Variants in WDR5 observed in about 807,000 individuals in gnomAD.
WDR5 encodes WD repeat domain 5.
For synonymous variants in WDR5, 144 were observed against 161.6 expected (o/e 0.89, Z 0.83); for missense variants, 187 against 416.9 (o/e 0.45, Z 4.80).
chr9:134,143,126 T>A (rs1331427822), intron 7 of WDR5, among the ~76,000 whole-genome samples: 1 of 6,778 alleles, frequency 1.5e-4, no homozygotes, highest in Admixed American at 2.4e-3. Context: ...TTAGCTTTGA[T>A]GGGCGGGCTG....
chr9:134,142,759 A>G (rs1363755160), intron 7 of WDR5, 40 bp downstream of exon 7: 3 of 1,600,806 alleles, frequency 1.9e-6, no homozygotes, highest in Admixed American at 1.7e-5. Context: ...GTCCAGCACT[A>G]CGTTTCTCTG....
At position 134,156,501 on chromosome 9, in the gene WDR5, C is replaced by T. The variant is rs370659378; in HGVS notation, c.817-5C>T. 6.1e-5 allele frequency: 99 copies of T among 1,613,868 alleles called. No homozygotes were observed. The highest frequency in any genetic ancestry group is 2.3e-4 in the African/African-American group (17 of 74,932). On this transcript the variant is annotated splice_polypyrimidine_tract_variant and splice_region_variant and intron_variant, in intron 12 of 13. Transcript: ENST00000358625. ...GCCCTGTTTTCCCTGCTTGTTGTTA[C>T]GTAGTGGATTGTGTCTGGCTCAGAG...
chr9:134,142,129 C>T (rs1831923212), intron 5 of WDR5, 91 bp downstream of exon 5: 5 of 1,206,556 alleles, frequency 4.1e-6, no homozygotes, highest in Non-Finnish European at 4.8e-6. Context: ...CAGTAAGCAA[C>T]ACTCAGCGCT....
chr9:134,150,961 A>C (rs1832457740), intron 8 of WDR5, among the ~76,000 whole-genome samples: 1 of 152,202 alleles, frequency 6.6e-6, no homozygotes, highest in Admixed American at 6.5e-5. Flanking sequence ...GGCTAGTGAG[A>C]AGGAGCAGGA....
chr9:134,150,001 T>C (rs764994256), intron 8 of WDR5, among the ~76,000 whole-genome samples: 6 of 152,202 alleles, frequency 3.9e-5, no homozygotes, highest in Non-Finnish European at 7.3e-5. Context: ...CCTGTGACTT[T>C]GTATCTGAAT....
chr9:134,156,742 GCT>G (rs1832762394), intron 13 of WDR5, 149 bp downstream of exon 13: 2 of 735,462 alleles, frequency 2.7e-6, no homozygotes, highest in Admixed American at 2.5e-5. Flanking sequence ...GCTGCTAAGA[GCT>G]CTTGCCCAAG....
chr9:134,147,526 C>G (rs117530311), intron 7 of WDR5, among the ~76,000 whole-genome samples: 2 of 152,152 alleles, frequency 1.3e-5, no homozygotes, highest in African/African-American at 2.4e-5. Flanking sequence ...CTGTCCCCCC[C>G]GGAAGAGTCT....
intron 5 of WDR5, 119 bp downstream of exon 5, chr9:134,142,157 G>C: frequency 1.0e-6 from 1 of 1,001,658 alleles, no homozygotes. Context: ...AGGGAAGACT[G>C]GCTGCAGGGG....
chr9:134,157,906 A>G lies in WDR5; in HGVS notation c.918A>G (p.Ser306=), dbSNP rs1220535700. The change falls in exon 14 of 14, where the codon TCA becomes TCG. Residue 306 remains serine, a synonymous_variant. Coordinates refer to ENST00000358625, the MANE Select transcript of WDR5 (RefSeq NM_017588.3). The surrounding 1 kb of genome is among the most constrained non-coding windows in gnomAD (Gnocchi z 5.0). ...KLQGHTDVVI[S]TACHPTENII... ...CTTTGTTTTCAGATGTCGTGATCTC[A>G]ACAGCTTGTCACCCAACAGAAAACA... 3 of 1,613,964 alleles carry G rather than the reference A, an allele frequency of 1.9e-6. No homozygotes were observed. Among genetic ancestry groups the G allele is most frequent in the African/African-American group, 1.3e-5 (1 of 74,930 alleles).
chr9:134,152,699 C>A (rs534536530), intron 9 of WDR5, among the ~76,000 whole-genome samples: 1 of 152,288 alleles, frequency 6.6e-6, no homozygotes, highest in South Asian at 2.1e-4. Context: ...GGGGATGGAC[C>A]CCCGTGTGGG....
At chr9:134,147,347 G>A (rs1221385646) in intron 7 of WDR5, among the ~76,000 whole-genome samples, 1 of 152,178 alleles carries the variant, frequency 6.6e-6, no homozygotes, top group Non-Finnish European at 1.5e-5. Flanking sequence ...CAGAAGCCCT[G>A]GGGATGGGGC....
chr9:134,140,911 A>G (rs28425680), intron 3 of WDR5, 100 bp downstream of exon 3: 26,427 of 1,151,530 alleles, frequency 0.023, 378 homozygotes, highest in Middle Eastern at 0.04. Context: ...ACCGCTGGGG[A>G]GACGTAGCAG....
chr9:134,146,466 C>G (rs1832207476), intron 7 of WDR5, among the ~76,000 whole-genome samples: 1 of 152,206 alleles, frequency 6.6e-6, no homozygotes, highest in South Asian at 2.1e-4. Flanking sequence ...GAATTCCTGG[C>G]CTCAAGTGAT....
At chr9:134,152,122 C>T in intron 9 of WDR5, 93 bp downstream of exon 9, 1 of 1,466,302 alleles carries the variant, frequency 6.8e-7, no homozygotes, top group Non-Finnish European at 9.3e-7. Flanking sequence ...CTCCTCCCTC[C>T]TCTGCCCTGG....
At chr9:134,148,373 G>A (rs371900993) in intron 8 of WDR5, 30 bp downstream of exon 8, 35 of 1,597,722 alleles carry the variant, frequency 2.2e-5, no homozygotes, top group African/African-American at 1.2e-4. Flanking sequence ...TTCATGAAGC[G>A]ATGAGTGCTT....
rs376262863 is a variant in WDR5 at position 134,151,975 on chromosome 9, C to T, written c.585-8C>T. On this transcript the variant is annotated splice_polypyrimidine_tract_variant and splice_region_variant and intron_variant, in intron 8 of 13. Coordinates refer to ENST00000358625, the MANE Select transcript of WDR5 (RefSeq NM_017588.3). ...TGCTTACGCTTTTTTGTTCTCTTTG[C>T]TTCGAAGTCGCATCTGGGACACCGC... 4.3e-6 allele frequency: 7 copies of T among 1,613,510 alleles called. No homozygotes were observed. In the African/African-American group the frequency reaches 6.7e-5, roughly 15 times the overall value.
chr9:134,137,675 A>AAC (rs1471247703), intron 1 of WDR5, among the ~76,000 whole-genome samples: 8 of 143,090 alleles, frequency 5.6e-5, no homozygotes, highest in Admixed American at 2.8e-4. Context: ...CTCAAAAAAA[A>AAC]AACAAAAACA....
intron 7 of WDR5, among the ~76,000 whole-genome samples, chr9:134,143,532 T>C (rs76906869): frequency 3.9e-5 from 5 of 128,022 alleles, no homozygotes; most frequent in Non-Finnish European, 8.8e-5. Context: ...AAACTCTGTC[T>C]TTTTTTTTTT....
chr9:134,140,243 C>A (rs548920164), intron 2 of WDR5, among the ~76,000 whole-genome samples: 4 of 152,276 alleles, frequency 2.6e-5, no homozygotes, highest in Admixed American at 1.3e-4. Flanking sequence ...TTGCCCCCAC[C>A]CTGGCTGCGA....
Sources: gnomAD v4.1 joint callset for allele counts (sites outside exome capture counted in the v4.1 genomes callset) on GRCh38, gnomAD v4.1.1 for gene constraint, Gnocchi (gnomAD v3.1) non-coding constraint, MANE v1.5 for transcripts, NCBI Gene and HGNC (gene_info 2026-07-23, HGNC 2026-07-21) for gene names.